The following SH3RF3 variants were observed in gnomAD, a reference collection of about 807,000 sequenced individuals.
The protein encoded by SH3RF3 is SH3 domain containing ring finger 3.
SH3RF3 carries 29 observed loss-of-function variants against 66.3 expected under a neutral mutation model. That is an observed-to-expected ratio of 0.44 (90% confidence interval 0.33 to 0.60). The LOEUF (loss-of-function observed/expected upper bound fraction) is 0.60, where lower values mean the gene tolerates loss of function less well. SH3RF3 is among the 20% of genes least tolerant of loss of function. The probability of loss-of-function intolerance (pLI) is 0.04; values close to 1 mark genes in which losing one functional copy is unlikely to be tolerated. For synonymous variants in SH3RF3, 583 were observed against 532.0 expected, an observed-to-expected ratio of 1.10 and a Z score of -1.32; for missense variants, 1,194 against 1,190.9, an observed-to-expected ratio of 1.00 and a Z score of -0.04.
chr2:109,467,138 C>T (rs926828825), intron 8 of SH3RF3, among the ~76,000 whole-genome samples: 1 of 152,236 alleles, frequency 6.6e-6, no homozygotes, highest in Non-Finnish European at 1.5e-5. Context: ...AGCCATTCCA[C>T]TCCTAGGAGA....
chr2:109,280,864 A>G (rs1049371959), intron 1 of SH3RF3, among the ~76,000 whole-genome samples: 1 of 152,180 alleles, frequency 6.6e-6, no homozygotes, highest in Non-Finnish European at 1.5e-5. Context: ...ATTATTGCAT[A>G]CCGTGTCTAA....
chr2:109,424,188 G>A (rs1366437662), intron 5 of SH3RF3, among the ~76,000 whole-genome samples: 4 of 152,306 alleles, frequency 2.6e-5, no homozygotes, highest in Middle Eastern at 3.4e-3. Flanking sequence ...TCTGATCCTC[G>A]GGGCTCTGGA....
chr2:109,383,579 G>A (rs994120150), intron 3 of SH3RF3, among the ~76,000 whole-genome samples: 2 of 152,136 alleles, frequency 1.3e-5, no homozygotes, highest in African/African-American at 4.8e-5. Flanking sequence ...TAAGATTCGG[G>A]TCCGGGAAAT....
chr2:109,242,298 G>C (rs1003109214), intron 1 of SH3RF3, among the ~76,000 whole-genome samples: 2 of 152,144 alleles, frequency 1.3e-5, no homozygotes, highest in African/African-American at 4.8e-5. Flanking sequence ...GTCACCAATT[G>C]GGTGGAAGCC....
In SH3RF3 at chr2:109,281,180, G is replaced by A. The variant is rs1042819143; in HGVS notation, c.574-66494G>A. 2.0e-5 allele frequency among the ~76,000 whole-genome samples: 3 copies of A among 152,234 alleles called. 1 individual carries two copies. The highest frequency in any genetic ancestry group is 7.2e-5 in the African/African-American group (3 of 41,466). On this transcript the variant is annotated intron_variant, in intron 1 of 9. Coordinates refer to ENST00000309415, the MANE Select transcript of SH3RF3 (RefSeq NM_001099289.3). ...CCACCTGCACAATGCAGTGAGTCAC[G>A]GTTCTCCCTGTCCCTCCTGCGACCC...
intron 8 of SH3RF3, among the ~76,000 whole-genome samples, chr2:109,471,549 C>G (rs1032569072): frequency 6.6e-6 from 1 of 152,148 alleles, no homozygotes; most frequent in Non-Finnish European, 1.5e-5. Context: ...TGAGTGGGGA[C>G]ACAGAGCCAA....
intron 1 of SH3RF3, among the ~76,000 whole-genome samples, chr2:109,202,210 G>A (rs1400129501): frequency 6.6e-6 from 1 of 152,186 alleles, no homozygotes; most frequent in Admixed American, 6.5e-5. Context: ...TGTTTCCCAA[G>A]CCACCTGTGG....
intron 3 of SH3RF3, among the ~76,000 whole-genome samples, chr2:109,388,713 G>GCT (rs1675897024): frequency 6.6e-6 from 1 of 152,218 alleles, no homozygotes; most frequent in Non-Finnish European, 1.5e-5. Context: ...TGTGAAATGA[G>GCT]ACCCCTGCAA....
chr2:109,211,313 T>C (rs1678968874), intron 1 of SH3RF3, among the ~76,000 whole-genome samples: 1 of 152,210 alleles, frequency 6.6e-6, no homozygotes, highest in Admixed American at 6.5e-5. Context: ...CTGGATTTTG[T>C]TTAACATCTT....
chr2:109,238,486 TGTGTGTGTGTGTGAGA>T (rs1229601863), intron 1 of SH3RF3, among the ~76,000 whole-genome samples: 139 of 139,014 alleles, frequency 1.0e-3, no homozygotes, highest in African/African-American at 3.9e-3. Context: ...TGTGTGTGTG[TGTGTGTGTGTGTGAGA>T]GTGAGACAGA....
intron 1 of SH3RF3, among the ~76,000 whole-genome samples, chr2:109,281,912 G>A (rs1415064292): frequency 1.3e-5 from 2 of 152,190 alleles, no homozygotes; most frequent in Non-Finnish European, 2.9e-5. Flanking sequence ...AGATGGCCAT[G>A]TGGCAGGAGC....
intron 2 of SH3RF3, among the ~76,000 whole-genome samples, chr2:109,353,103 G>T (rs1356973243): frequency 1.3e-5 from 2 of 152,226 alleles, no homozygotes; most frequent in Non-Finnish European, 2.9e-5. Flanking sequence ...AGAGTCCTCA[G>T]TGGCTCTCCA....
chr2:109,500,495 C>T (rs1679361404), intron 9 of SH3RF3, among the ~76,000 whole-genome samples: 1 of 152,132 alleles, frequency 6.6e-6, no homozygotes, highest in South Asian at 2.1e-4. Flanking sequence ...GGTCTGAAGA[C>T]AGGGACTCCA....
At chr2:109,399,595 C>T (rs950638896) in intron 4 of SH3RF3, among the ~76,000 whole-genome samples, 2 of 152,084 alleles carry the variant, frequency 1.3e-5, no homozygotes, top group African/African-American at 4.8e-5. Flanking sequence ...GGGCAAGACC[C>T]TGTCTCTACA....
At chr2:109,493,530 C>T (rs1197159382) in intron 9 of SH3RF3, among the ~76,000 whole-genome samples, 7 of 150,782 alleles carry the variant, frequency 4.6e-5, no homozygotes, top group Non-Finnish European at 1.0e-4. Flanking sequence ...CATTGCATAC[C>T]CACACCCTTC....
intron 2 of SH3RF3, among the ~76,000 whole-genome samples, chr2:109,353,784 T>A (rs963973894): frequency 1.3e-5 from 2 of 152,156 alleles, no homozygotes; most frequent in African/African-American, 4.8e-5. Context: ...CCTGCCCGTG[T>A]GTGCATGCGT....
intron 9 of SH3RF3, among the ~76,000 whole-genome samples, chr2:109,493,755 CACACCAA>C (rs1679187972): frequency 6.6e-6 from 1 of 152,020 alleles, no homozygotes; most frequent in African/African-American, 2.4e-5. Context: ...ACACACACTG[CACACCAA>C]ACATGCACTG....
intron 1 of SH3RF3, among the ~76,000 whole-genome samples, chr2:109,292,233 T>C (rs932811271): frequency 2.6e-5 from 4 of 152,240 alleles, no homozygotes; most frequent in Non-Finnish European, 4.4e-5. Context: ...AAATTTGTAA[T>C]GTATAAATGT....
At chr2:109,301,460 C>A (rs1681467306) in intron 1 of SH3RF3, among the ~76,000 whole-genome samples, 2 of 152,150 alleles carry the variant, frequency 1.3e-5, no homozygotes, top group African/African-American at 4.8e-5. Context: ...GGCCCCTTCG[C>A]TGTTTGATGG....
Sources: allele counts gnomAD v4.1 joint callset (sites outside exome capture counted in the v4.1 genomes callset), GRCh38; gene constraint gnomAD v4.1.1; transcripts MANE v1.5; gene names NCBI Gene and HGNC (gene_info 2026-07-23, HGNC 2026-07-21).